The following HR variants were observed in gnomAD, a reference collection of about 807,000 sequenced individuals.
The protein encoded by HR is lysine-specific demethylase hairless.
In HR, 83 loss-of-function variants were observed where a neutral mutation model predicts 128.6. That is an observed-to-expected ratio of 0.65 (90% CI 0.54 to 0.77). HR has a LOEUF of 0.77. Among genes scored for constraint, HR ranks in the 30% least tolerant of loss-of-function variants. The probability of loss-of-function intolerance (pLI) is 0.00; values close to 1 mark genes in which losing one functional copy is unlikely to be tolerated. For missense variants in HR, 1,490 were observed against 1,574.6 expected, an observed-to-expected ratio of 0.95 and a Z score of 0.91; for synonymous variants, 681 against 658.2, an observed-to-expected ratio of 1.03 and a Z score of -0.53.
At position 22,127,754 on chromosome 8, in the gene HR, CA is replaced by C; in HGVS notation, c.687del (p.Phe229LeufsTer3). 1 of 1,602,626 alleles carries C rather than the reference CA, an allele frequency of 6.2e-7. No homozygotes were observed. On this transcript the variant is annotated frameshift_variant, in exon 3 of 19. Transcript: ENST00000381418. LOFTEE classifies it high-confidence loss of function. The part of the protein sequence containing the change: ...EPLAAAEPGL[F>X]GLNSGGHLQR... ...TGCAGGTGCCCACCAGAGTTTAAGC[CA>C]AACAACCCAGGTTCCGCAGCTGCCA... is the stretch of plus-strand genomic sequence containing the variant.
intron 1 of HR, among the ~76,000 whole-genome samples, chr8:22,129,714 T>C (rs1826999870): frequency 6.6e-6 from 1 of 152,170 alleles, no homozygotes. Flanking sequence ...AACCCTAGCC[T>C]ACAGCCCCAG....
At chr8:22,128,272 C>T (rs988378705) in intron 2 of HR, 2 of 560,754 alleles carry the variant, frequency 3.6e-6, no homozygotes, top group Non-Finnish European at 6.4e-6. Flanking sequence ...CCTCCCAGGA[C>T]AAGCCACACA....
chr8:22,127,353 G>T lies in HR; in HGVS notation c.1089C>A (p.Asn363Lys). The part of the protein sequence containing the change: ...SGASEPSEEV[N>K]KASGPRACPP... Reference sequence around the variant, plus strand: ...GACAGGCCCTGGGGCCAGAGGCCTTGTTCACTTCCTCGCTGGGTTCGCTGG... The same window carrying T: ...GACAGGCCCTGGGGCCAGAGGCCTTTTTCACTTCCTCGCTGGGTTCGCTGG... The change falls in exon 3 of 19, where the codon AAC becomes AAA. Residue 363 changes from asparagine (N) to lysine (K), a missense_variant. This residue lies in a region of HR where 1,060 missense variants were observed against 1,060.9 expected (regional missense o/e 1.00). Coordinates refer to ENST00000381418, the MANE Select transcript of HR (RefSeq NM_005144.5). 1 of 1,613,370 alleles carries T rather than the reference G, an allele frequency of 6.2e-7. No individual in the cohort carries two copies. The highest frequency in any genetic ancestry group is 8.5e-7 in the Non-Finnish European group (1 of 1,180,034).
At chr8:22,126,978 G>GGCC in intron 3 of HR, 59 bp downstream of exon 3, 2 of 1,490,236 alleles carry the variant, frequency 1.3e-6, no homozygotes, top group Non-Finnish European at 1.8e-6. Context: ...CCCATGCGAA[G>GGCC]CCCCAGCCCC....
chr8:22,128,417 G>T (rs1193191783), intron 2 of HR, 142 bp downstream of exon 2: 1 of 1,199,698 alleles, frequency 8.3e-7, no homozygotes, highest in Non-Finnish European at 1.2e-6. Context: ...TTGACTGTGG[G>T]GCCTGGGACA....
Position 22,127,563 on chromosome 8 carries a change from G to A in HR, c.879C>T (p.Val293=), listed in dbSNP as rs1353881661. ...PPGLVHTLGN[V]WAGPGDGNLG... Reference sequence around the variant, plus strand: ...GGTTCCCATCGCCTGGCCCAGCCCAGACGTTGCCAAGAGTATGAACAAGGC... The same window carrying A: ...GGTTCCCATCGCCTGGCCCAGCCCAAACGTTGCCAAGAGTATGAACAAGGC... Residue 293 remains valine (V), a synonymous_variant, in exon 3 of 19, where the codon GTC becomes GTT. Transcript: ENST00000381418. 1.9e-6 allele frequency: 3 copies of A among 1,613,032 alleles called. No homozygotes were observed. The highest frequency in any genetic ancestry group is 3.3e-5 in the Admixed American group (2 of 60,030).
Position 22,129,074 on chromosome 8 carries a change from G to A in HR, c.97C>T (p.Arg33Ter), listed in dbSNP as rs769336334. The change falls in exon 2 of 19, where the codon CGA becomes TGA. Residue 33 changes from arginine (R) to a stop codon, truncating the protein, a stop_gained. Coordinates refer to ENST00000381418, the MANE Select transcript of HR (RefSeq NM_005144.5). LOFTEE classifies it high-confidence loss of function. ...IVRQEPGSPP[R>*]DGLHHGPLCL... The stretch of plus-strand genomic sequence containing the variant: ...AGCGGCCCATGGTGCAGTCCATCTC[G>A]AGGCGGGCTGCCGGGCTCCTGTCTC... 12 of 1,579,460 alleles carry A rather than the reference G, an allele frequency of 7.6e-6. No homozygotes were observed. Among genetic ancestry groups the A allele is most frequent in the African/African-American group, 2.7e-5 (2 of 73,764 alleles).
Position 22,127,195 on chromosome 8 carries a change from C to A in HR, c.1247G>T (p.Ser416Ile). The A allele has an allele frequency of 6.2e-7, 1 of 1,612,992 alleles. No homozygotes were observed. The highest frequency in any genetic ancestry group is 8.5e-7 in the Non-Finnish European group (1 of 1,180,002). The change falls in exon 3 of 19, where the codon AGC becomes ATC. Residue 416 changes from serine (S) to isoleucine (I), a missense_variant. Around this residue, in one of 3 missense-constraint regions of HR, gnomAD observed 1,060 missense variants for 1,060.9 expected, o/e 1.00. Transcript: ENST00000381418. ...ARLRALKRAG[S>I]PEVQGAMGSP... ...GCCCATTGCTCCCTGGACCTCGGGGCTGCCTGCCCTTTTGAGGGCCCGGAG... is the reference window on the plus strand; with the variant it reads ...GCCCATTGCTCCCTGGACCTCGGGGATGCCTGCCCTTTTGAGGGCCCGGAG...
rs1827021415 is a variant in HR at position 22,130,457 on chromosome 8, G to C, written c.-70C>G. The C allele has an allele frequency of 6.6e-6, 1 of 152,228 alleles. No homozygotes were observed. Among genetic ancestry groups the C allele is most frequent in the Non-Finnish European group, 1.5e-5 (1 of 68,056 alleles). 9.4% of individuals were successfully genotyped at this position (152,228 alleles called of 1,614,324 possible). A position where few individuals can be genotyped will look rare whatever the true frequency, so the allele number is the denominator to read the frequency against. ...GCTTCACCGGCCGGTCGCGGCGCGG[G>C]CGGTGGCGGTCGTCGTGGCCGGCAC... is the stretch of plus-strand genomic sequence containing the variant. On this transcript the variant is annotated 5_prime_UTR_variant, in exon 1 of 19. Coordinates refer to ENST00000381418, the MANE Select transcript of HR (RefSeq NM_005144.5).
Position 22,127,686 on chromosome 8 carries a change from A to C in HR, c.756T>G (p.Asp252Glu). The C allele has an allele frequency of 6.2e-7, 1 of 1,609,886 alleles. No homozygotes were observed. Among genetic ancestry groups the C allele is most frequent in the Non-Finnish European group, 8.5e-7 (1 of 1,179,788 alleles). ...GCTGCCGGCCAGCTCCCATCTCTCC[A>C]TCCCTCTGGTGCAGTGAAGGGCGTT... The part of the protein sequence containing the change: ...EAERPSLHQR[D>E]GEMGAGRQQN... The change falls in exon 3 of 19, where the codon GAT becomes GAG. Residue 252 changes from aspartate (D) to glutamate (E), a missense_variant. Asp to Glu is a conservative substitution (Grantham distance 45, BLOSUM62 2). This residue lies in a region of HR where 1,060 missense variants were observed against 1,060.9 expected (regional missense o/e 1.00). Transcript: ENST00000381418.
At chr8:22,122,292 G>A (rs1238558693) in intron 8 of HR, among the ~76,000 whole-genome samples, 2 of 152,088 alleles carry the variant, frequency 1.3e-5, no homozygotes, top group Non-Finnish European at 1.5e-5. Context: ...GAAGGCAGGG[G>A]GTGAGGACCT....
intron 8 of HR, 111 bp from the exon 9 acceptor site, chr8:22,121,805 C>T: frequency 8.6e-7 from 1 of 1,157,378 alleles, no homozygotes; most frequent in Middle Eastern, 1.9e-4. Context: ...GTCCTAAAAT[C>T]GTGTTTATAG....
In HR at chr8:22,127,838, G is replaced by A; in HGVS notation, c.613-9C>T. 6.3e-7 allele frequency: 1 copy of A among 1,598,424 alleles called. No individual in the cohort carries two copies. The highest frequency in any genetic ancestry group is 8.5e-7 in the Non-Finnish European group (1 of 1,179,898). The stretch of plus-strand genomic sequence containing the variant: ...TCCTTGTAGTAAAAGCCCTAAAGAG[G>A]GGAGAAAGTGTTACGCTTCAGCTGA... On this transcript the variant is annotated splice_polypyrimidine_tract_variant and intron_variant, in intron 2 of 18. Coordinates refer to ENST00000381418, the MANE Select transcript of HR (RefSeq NM_005144.5).
Position 22,116,905 on chromosome 8 carries a change from G to T in HR, c.3348C>A (p.Ala1116=). 2 of 1,563,748 alleles carry T rather than the reference G, an allele frequency of 1.3e-6. No homozygotes were observed. The change falls in exon 17 of 19, where the codon GCC becomes GCA. Residue 1116 remains alanine, a synonymous_variant. Coordinates refer to ENST00000381418, the MANE Select transcript of HR (RefSeq NM_005144.5). The surrounding 1 kb of genome is among the most constrained non-coding windows in gnomAD (Gnocchi z 4.2). ...CWTLLQAPGE[A]VLVPAGAPHQ... ...GGGGAGCCCCTGCAGGCACCAGCAC[G>T]GCCTCTCCGGGGGCCTGGAGCAGGG... is the stretch of plus-strand genomic sequence containing the variant.
At chr8:22,119,402 A>C (rs1339355391) in intron 14 of HR, 119 bp from the exon 15 acceptor site, 1 of 1,407,500 alleles carries the variant, frequency 7.1e-7, no homozygotes, top group Non-Finnish European at 9.8e-7. Context: ...TGAGGTCAGG[A>C]GTTTGAGACC....
chr8:22,129,242 G>C (rs916435897), intron 1 of HR, 32 bp from the exon 2 acceptor site: 2 of 1,497,194 alleles, frequency 1.3e-6, no homozygotes. Context: ...ATGAGCTTCT[G>C]GGGCACATGT....
At position 22,120,359 on chromosome 8, in the gene HR, C is replaced by T; in HGVS notation, c.2759G>A (p.Gly920Asp). The T allele has an allele frequency of 6.2e-7, 1 of 1,613,836 alleles. No individual in the cohort carries two copies. The highest frequency in any genetic ancestry group is 8.5e-7 in the Non-Finnish European group (1 of 1,180,018). The change falls in exon 12 of 19, where the codon GGC becomes GAC. Residue 920 changes from glycine (G) to aspartate (D), a missense_variant. Gly to Asp is a moderately conservative substitution (Grantham distance 94). This residue lies in a region of HR where 423 missense variants were observed against 495.9 expected (regional missense o/e 0.85). Coordinates refer to ENST00000381418, the MANE Select transcript of HR (RefSeq NM_005144.5). ...SSLGSTTFWE[G>D]FSWPELRPKS... is the part of the protein sequence containing the mutation. ...ACACTTACGCTCAGGCCAGGAGAAG[C>T]CCTCCCAGAATGTTGTGCTGCCCAG...
intron 9 of HR, 109 bp from the exon 10 acceptor site, chr8:22,121,337 C>T: frequency 7.2e-7 from 1 of 1,388,928 alleles, no homozygotes; most frequent in Non-Finnish European, 9.9e-7. Context: ...AGCCCACTCT[C>T]CCCAGCCAGC....
At chr8:22,122,434 TG>T in intron 8 of HR, 58 bp downstream of exon 8, 1 of 1,288,422 alleles carries the variant, frequency 7.8e-7, no homozygotes, top group Admixed American at 2.0e-5. Flanking sequence ...GCCAAACCCC[TG>T]CAAAGGTCAG....
Sources: gnomAD v4.1 joint callset for allele counts (sites outside exome capture counted in the v4.1 genomes callset) on GRCh38, gnomAD v4.1.1 for gene constraint, gnomAD v4.1.1 regional missense constraint, Gnocchi (gnomAD v3.1) non-coding constraint, MANE v1.5 for transcripts, NCBI Gene and HGNC (gene_info 2026-07-23, HGNC 2026-07-21) for gene names.